The following LAPTM4A variants were observed in gnomAD, a reference collection of about 807,000 sequenced individuals.
LAPTM4A encodes lysosomal-associated transmembrane protein 4A.
LAPTM4A carries 19 observed loss-of-function variants against 29.9 expected under a neutral mutation model. That is an observed-to-expected ratio of 0.64 (90% CI 0.44 to 0.93). LAPTM4A has a LOEUF of 0.93. Ranked by LOEUF, LAPTM4A falls within the 40% of genes least tolerant of loss-of-function variation. The pLI is 0.00. For missense variants in LAPTM4A, 293 were observed against 288.5 expected (o/e 1.02, Z -0.11); for synonymous variants, 105 against 102.1 (o/e 1.03, Z -0.17).
chr2:20,035,721 A>G (rs1464213671), intron 4 of LAPTM4A, among the ~76,000 whole-genome samples: 1 of 152,232 alleles, frequency 6.6e-6, no homozygotes, highest in Non-Finnish European at 1.5e-5. Flanking sequence ...ACTAACCAAC[A>G]GAGGAAATAC....
intron 1 of LAPTM4A, among the ~76,000 whole-genome samples, chr2:20,048,606 C>T (rs904695553): frequency 6.6e-6 from 1 of 152,184 alleles, no homozygotes; most frequent in Non-Finnish European, 1.5e-5. Flanking sequence ...GAGAGGGGCT[C>T]CCCCAAGTTC....
At chr2:20,033,755 C>A (rs1673625599) in intron 6 of LAPTM4A, among the ~76,000 whole-genome samples, 1 of 152,184 alleles carries the variant, frequency 6.6e-6, no homozygotes, top group Non-Finnish European at 1.5e-5. Context: ...CACACCTATG[C>A]AGTGGAGGAG....
Position 20,033,212 on chromosome 2 carries a change from G to GGTAA in LAPTM4A, c.691_694dup (p.Pro232LeufsTer10), listed in dbSNP as rs1313571422. On this transcript the variant is annotated frameshift_variant, in exon 7 of 7. Coordinates refer to ENST00000175091, the MANE Select transcript of LAPTM4A (RefSeq NM_014713.5). LOFTEE classifies it high-confidence loss of function. ...GTCAAAGGCAGAATTTCTTCAGGCA[G>GGTAA]GTAAGTAAGGAGGTGGTGGTTCTTT... 6 of 1,613,670 alleles carry GGTAA rather than the reference G, an allele frequency of 3.7e-6. No individual in the cohort carries two copies. Among genetic ancestry groups the GGTAA allele is most frequent in the Non-Finnish European group, 5.1e-6 (6 of 1,179,680 alleles).
chr2:20,041,410 A>T (rs1673797157), intron 1 of LAPTM4A, among the ~76,000 whole-genome samples: 2 of 152,198 alleles, frequency 1.3e-5, no homozygotes, highest in South Asian at 4.1e-4. Context: ...CCTCCACAGC[A>T]TCTCTCATCA....
At chr2:20,044,901 T>C (rs973717536) in intron 1 of LAPTM4A, among the ~76,000 whole-genome samples, 12 of 152,206 alleles carry the variant, frequency 7.9e-5, no homozygotes, top group African/African-American at 2.9e-4. Context: ...AAACCCATCC[T>C]TGTGACTTAA....
At chr2:20,048,487 T>C (rs749103352) in intron 1 of LAPTM4A, among the ~76,000 whole-genome samples, 2 of 152,242 alleles carry the variant, frequency 1.3e-5, no homozygotes, top group Non-Finnish European at 2.9e-5. Flanking sequence ...TTTTGTACCA[T>C]ACAATGAATA....
chr2:20,049,486 A>G lies in LAPTM4A; in HGVS notation c.111+1924T>C, dbSNP rs1314955131. ...AACAGATGTAAACTCCTCACTCCCT[A>G]TTTTGTAAGAATAAGCGCCCGTAAT... On this transcript the variant is annotated intron_variant, in intron 1 of 6. Transcript: ENST00000175091. Among the ~76,000 whole-genome samples, 41 of 152,184 alleles carry G rather than the reference A, an allele frequency of 2.7e-4. 1 individual carries two copies. Among genetic ancestry groups the G allele is most frequent in the Admixed American group, 2.7e-3 (41 of 15,278 alleles).
At position 20,033,283 on chromosome 2, in the gene LAPTM4A, A is replaced by G; in HGVS notation, c.628-4T>C. The G allele has an allele frequency of 6.2e-7, 1 of 1,610,266 alleles. No individual in the cohort carries two copies. The highest frequency in any genetic ancestry group is 8.5e-7 in the Non-Finnish European group (1 of 1,176,474). ...TTTCATAGGTTGGCAAAACGTACTA[A>G]AGAGAGAAAAAAAATTGTATCAGAT... On this transcript the variant is annotated splice_polypyrimidine_tract_variant and splice_region_variant and intron_variant, in intron 6 of 6. Transcript: ENST00000175091.
Position 20,034,376 on chromosome 2 carries a change from T to C in LAPTM4A, c.568A>G (p.Ile190Val), listed in dbSNP as rs773539925. The C allele has an allele frequency of 1.2e-6, 2 of 1,614,080 alleles. No individual in the cohort carries two copies. The highest frequency in any genetic ancestry group is 2.2e-5 in the East Asian group (1 of 44,884). ...ATCTCCGGCACGTTTCGGTTGTTGATGTATTTATAGCAGTTCCAAACACAG... is the reference window on the plus strand; with the variant it reads ...ATCTCCGGCACGTTTCGGTTGTTGACGTATTTATAGCAGTTCCAAACACAG... ...INCVWNCYKY[I>V]NNRNVPEIAV... The change falls in exon 6 of 7, where the codon ATC becomes GTC. Residue 190 changes from isoleucine to valine, a missense_variant. Ile to Val is a conservative substitution (Grantham distance 29). Transcript: ENST00000175091.
intron 4 of LAPTM4A, among the ~76,000 whole-genome samples, chr2:20,036,716 C>T (rs780606951): frequency 5.9e-5 from 9 of 152,106 alleles, no homozygotes; most frequent in Non-Finnish European, 8.8e-5. Context: ...ACCACCTCCA[C>T]GACGCCCTCC....
intron 1 of LAPTM4A, 82 bp downstream of exon 1, chr2:20,051,328 C>A (rs1674064783): frequency 2.4e-6 from 2 of 843,826 alleles, no homozygotes; most frequent in African/African-American, 1.8e-5. Flanking sequence ...CACCCAACAC[C>A]CCGTTTCCAG....
Position 20,034,982 on chromosome 2 carries a change from TA to T in LAPTM4A, c.512del (p.Leu171TyrfsTer9). ...LLFIVLVFFA[L>X]FIIFKAYLIN... is the part of the protein sequence containing the mutation. ...AGCAACGTACCTTAAAAATGATGAA[TA>T]AGGCAAAGAACACAAGAACAATGAA... On this transcript the variant is annotated frameshift_variant, in exon 5 of 7. Coordinates refer to ENST00000175091, the MANE Select transcript of LAPTM4A (RefSeq NM_014713.5). LOFTEE classifies it high-confidence loss of function. 2 of 1,611,318 alleles carry T rather than the reference TA, an allele frequency of 1.2e-6. No individual in the cohort carries two copies.
chr2:20,035,128 G>A, intron 4 of LAPTM4A, 66 bp from the exon 5 acceptor site: 1 of 1,068,352 alleles, frequency 9.4e-7, no homozygotes, highest in East Asian at 2.5e-5. Context: ...ATAACCTGAA[G>A]AGCATCTGAA....
chr2:20,044,130 G>C lies in LAPTM4A; in HGVS notation c.112-3119C>G, dbSNP rs140866054. ...CAGGAACAATCACTTTTGCAAGGTG[G>C]CTCTCCCCAGTTGAAAGCTGATTTT... is the stretch of plus-strand genomic sequence containing the variant. On this transcript the variant is annotated intron_variant, in intron 1 of 6. Transcript: ENST00000175091. 4.1e-3 allele frequency among the ~76,000 whole-genome samples: 628 copies of C among 152,280 alleles called. 3 individuals carry two copies. Among genetic ancestry groups the C allele is most frequent in the South Asian group, 0.016 (77 of 4,826 alleles).
rs1167333365 is a variant in LAPTM4A, at chr2:20,034,477, T to C, written c.529-62A>G. 2.7e-6 allele frequency: 3 copies of C among 1,126,232 alleles called. No homozygotes were observed. In the African/African-American group the frequency reaches 4.6e-5, roughly 17 times the overall value. The allele number at this position is 1,126,232 out of a possible 1,614,324, so 69.8% of individuals were successfully genotyped here. Reference sequence around the variant, plus strand: ...ACTCAACAGACTACCTGCTCTAAAATGCCAGTGACTTAGAATGCTTTCCCC... The same window carrying C: ...ACTCAACAGACTACCTGCTCTAAAACGCCAGTGACTTAGAATGCTTTCCCC... On this transcript the variant is annotated intron_variant, in intron 5 of 6. Transcript: ENST00000175091.
intron 1 of LAPTM4A, among the ~76,000 whole-genome samples, chr2:20,049,409 A>T (rs116084765): frequency 2.0e-3 from 308 of 152,322 alleles, no homozygotes; most frequent in African/African-American, 7.0e-3. Context: ...AAACTAAAGC[A>T]TGGTCTTCAG....
In LAPTM4A at chr2:20,037,388, G is replaced by A. The variant is rs367786313; in HGVS notation, c.360C>T (p.Phe120=). The part of the protein sequence containing the change: ...IPFFCYRLFD[F]VLSCLVAISS... ...TAATAGCAACCAGGCAACTGAGGAC[G>A]AAGTCAAAAAGTCGGTAACAGAAGA... Residue 120 remains phenylalanine, a synonymous_variant, in exon 4 of 7, where the codon TTC becomes TTT. Transcript: ENST00000175091. The A allele has an allele frequency of 6.2e-6, 10 of 1,612,370 alleles. No homozygotes were observed. The highest frequency in any genetic ancestry group is 2.2e-5 in the East Asian group (1 of 44,850).
chr2:20,039,781 C>T (rs1009403926), intron 2 of LAPTM4A, among the ~76,000 whole-genome samples: 2 of 152,236 alleles, frequency 1.3e-5, no homozygotes, highest in African/African-American at 4.8e-5. Flanking sequence ...GCTGGCTGGG[C>T]GCTGTGGCAC....
rs910231069 is a variant in LAPTM4A at position 20,038,690 on chromosome 2, T to TG, written c.233-1077dup. Among the ~76,000 whole-genome samples, 44 of 152,000 alleles carry TG rather than the reference T, an allele frequency of 2.9e-4. No homozygotes were observed. The East Asian group carries it at 3.5e-3, about 12-fold the overall frequency. ...TCCGTCTGGGCAGAGATTAAGAAAC[T>TG]GGGGGGGATGGGCACGGCAACCCAC... On this transcript the variant is annotated intron_variant, in intron 2 of 6. Transcript: ENST00000175091.
Sources: allele counts gnomAD v4.1 joint callset (sites outside exome capture counted in the v4.1 genomes callset), GRCh38; gene constraint gnomAD v4.1.1; transcripts MANE v1.5; gene names NCBI Gene and HGNC (gene_info 2026-07-23, HGNC 2026-07-21).